ROBO1: variants seen among roughly 807,000 people sequenced by gnomAD.
ROBO1 encodes the protein roundabout guidance receptor 1, also known as roundabout homolog 1.
In ROBO1, 149 loss-of-function variants were observed where a neutral mutation model predicts 195.9. The ratio of observed to expected loss-of-function variants is 0.76; its 90% CI spans 0.67 to 0.87. ROBO1 has a LOEUF of 0.87. Among genes scored for constraint, ROBO1 ranks in the 40% least tolerant of loss-of-function variants. The probability of loss-of-function intolerance (pLI) is 0.00; values close to 1 mark genes in which losing one functional copy is unlikely to be tolerated. For missense variants in ROBO1, 1,933 were observed against 2,068.3 expected (o/e 0.93, Z 1.27); for synonymous variants, 816 against 733.2 (o/e 1.11, Z -1.82).
chr3:79,518,137 T>C (rs1019498822), intron 2 of ROBO1, among the ~76,000 whole-genome samples: 3 of 152,204 alleles, frequency 2.0e-5, no homozygotes, highest in African/African-American at 7.2e-5. Context: ...AAGGTTCTAC[T>C]CTTACAACCT....
chr3:79,433,148 G>C (rs2038747646), intron 2 of ROBO1, among the ~76,000 whole-genome samples: 1 of 152,064 alleles, frequency 6.6e-6, no homozygotes, highest in Admixed American at 6.6e-5. Flanking sequence ...GTATCTATTA[G>C]CTATTCTTCC....
intron 3 of ROBO1, among the ~76,000 whole-genome samples, chr3:79,099,464 G>T (rs1175823722): frequency 6.6e-6 from 1 of 151,640 alleles, no homozygotes; most frequent in Non-Finnish European, 1.5e-5. Flanking sequence ...CTCAGAAGAG[G>T]TGACACTGAG....
chr3:78,792,097 G>A (rs191135753), intron 4 of ROBO1, among the ~76,000 whole-genome samples: 74 of 152,248 alleles, frequency 4.9e-4, no homozygotes, highest in Admixed American at 2.3e-3. Flanking sequence ...TCTAACCCTG[G>A]GGAGTTGACT....
rs543050594 is a variant in ROBO1 at position 79,251,785 on chromosome 3, A to C, written c.89-126246T>G. Reference sequence around the variant, plus strand: ...AAGCAAACAAAAAACAAACAAACAAACAACCAAAACAAGAATTAGCCAGGC... The same window carrying C: ...AAGCAAACAAAAAACAAACAAACAACCAACCAAAACAAGAATTAGCCAGGC... On this transcript the variant is annotated intron_variant, in intron 2 of 30. Coordinates refer to ENST00000464233, the MANE Select transcript of ROBO1 (RefSeq NM_002941.4). Among the ~76,000 whole-genome samples, 256 of 151,936 alleles carry C rather than the reference A, an allele frequency of 1.7e-3. 10 individuals are homozygous for C. Among genetic ancestry groups the C allele is most frequent in the Admixed American group, 0.016 (251 of 15,252 alleles).
chr3:78,623,537 T>C (rs761660848), intron 26 of ROBO1, among the ~76,000 whole-genome samples: 20 of 152,186 alleles, frequency 1.3e-4, no homozygotes, highest in Non-Finnish European at 2.6e-4. Flanking sequence ...ACCCTGCTTT[T>C]ATTTTAAGAA....
At chr3:79,507,600 T>C (rs1057099355) in intron 2 of ROBO1, among the ~76,000 whole-genome samples, 56 of 152,204 alleles carry the variant, frequency 3.7e-4, no homozygotes, top group African/African-American at 1.4e-3. Flanking sequence ...TAAAGAATAA[T>C]TGATCTCTTA....
chr3:79,565,357 T>A (rs548738174), intron 2 of ROBO1, among the ~76,000 whole-genome samples: 1 of 148,494 alleles, frequency 6.7e-6, no homozygotes, highest in Admixed American at 6.6e-5. Flanking sequence ...ATTTAGAGAA[T>A]ACTTAATATA....
intron 2 of ROBO1, among the ~76,000 whole-genome samples, chr3:79,236,481 T>A (rs1430291609): frequency 6.6e-6 from 1 of 152,196 alleles, no homozygotes; most frequent in Non-Finnish European, 1.5e-5. Context: ...ATTATATACA[T>A]AAAAATTAAC....
chr3:79,301,061 C>G (rs903030495), intron 2 of ROBO1, among the ~76,000 whole-genome samples: 1 of 152,120 alleles, frequency 6.6e-6, no homozygotes, highest in Non-Finnish European at 1.5e-5. Flanking sequence ...TCTCGGGTCA[C>G]CTTCCACGCT....
At position 79,599,315 on chromosome 3, in the gene ROBO1, C is replaced by T. The variant is rs564172371; in HGVS notation, c.-50-9354G>A. Among the ~76,000 whole-genome samples the T allele has an allele frequency of 4.7e-4, 71 of 152,078 alleles. 4 individuals carry two copies. Among genetic ancestry groups the T allele is most frequent in the African/African-American group, 1.7e-3 (70 of 41,508 alleles). ...CAGCATGTTAAAGCCAGCAGTTTAA[C>T]ATGGTTTAAAGCAATAATTGTATGA... is the stretch of plus-strand genomic sequence containing the variant. On this transcript the variant is annotated intron_variant, in intron 1 of 30. Coordinates refer to ENST00000464233, the MANE Select transcript of ROBO1 (RefSeq NM_002941.4).
intron 4 of ROBO1, among the ~76,000 whole-genome samples, chr3:78,866,252 A>C (rs2035170629): frequency 6.6e-6 from 1 of 152,252 alleles, no homozygotes; most frequent in Admixed American, 6.5e-5. Flanking sequence ...TCATTTGTCA[A>C]TCAAAAGCAA....
At chr3:79,536,013 A>G (rs368353929) in intron 2 of ROBO1, among the ~76,000 whole-genome samples, 5 of 152,252 alleles carry the variant, frequency 3.3e-5, no homozygotes, top group African/African-American at 1.2e-4. Flanking sequence ...CTTCCTATTA[A>G]CAATACATCT....
At chr3:79,255,922 T>C (rs754577762) in intron 2 of ROBO1, among the ~76,000 whole-genome samples, 7 of 152,104 alleles carry the variant, frequency 4.6e-5, no homozygotes, top group Non-Finnish European at 8.8e-5. Flanking sequence ...GAGCTGTTCA[T>C]GTGGAATAAG....
At chr3:79,622,578 A>G (rs1305344604) in intron 1 of ROBO1, among the ~76,000 whole-genome samples, 1 of 152,196 alleles carries the variant, frequency 6.6e-6, no homozygotes, top group African/African-American at 2.4e-5. Context: ...CTGTGACAAG[A>G]GTGCCTCTTG....
At chr3:79,727,335 C>T (rs1394301176) in intron 1 of ROBO1, among the ~76,000 whole-genome samples, 3 of 151,606 alleles carry the variant, frequency 2.0e-5, no homozygotes, top group Non-Finnish European at 4.4e-5. Context: ...ATTAATGTAG[C>T]TAATATGATT....
chr3:79,360,828 T>C (rs954006892), intron 2 of ROBO1, among the ~76,000 whole-genome samples: 3 of 152,212 alleles, frequency 2.0e-5, no homozygotes, highest in African/African-American at 7.2e-5. Context: ...TTAGATAATA[T>C]GATGCTCTTT....
rs146505976 is a variant in ROBO1, at chr3:79,206,521, T to A, written c.89-80982A>T. The stretch of plus-strand genomic sequence containing the variant: ...GAAAGAAAAAGAAATTAAGGCATAC[T>A]ACATATAGAGTTCAGTACAATCTGT... On this transcript the variant is annotated intron_variant, in intron 2 of 30. Coordinates refer to ENST00000464233, the MANE Select transcript of ROBO1 (RefSeq NM_002941.4). 5.9e-5 allele frequency among the ~76,000 whole-genome samples: 9 copies of A among 152,304 alleles called. No individual in the cohort carries two copies. The East Asian group carries it at 1.4e-3, about 23-fold the overall frequency.
chr3:79,525,556 A>AT (rs1314306905), intron 2 of ROBO1, among the ~76,000 whole-genome samples: 11 of 147,060 alleles, frequency 7.5e-5, no homozygotes, highest in Non-Finnish European at 1.2e-4. Context: ...ATATATATAT[A>AT]AATATATATA....
chr3:78,782,937 A>G (rs1424894871), intron 4 of ROBO1, among the ~76,000 whole-genome samples: 1 of 152,180 alleles, frequency 6.6e-6, no homozygotes, highest in African/African-American at 2.4e-5. Context: ...AAACTCATTC[A>G]GGTTTTCCAT....
Sources: allele counts gnomAD v4.1 joint callset (sites outside exome capture counted in the v4.1 genomes callset), GRCh38; gene constraint gnomAD v4.1.1; transcripts MANE v1.5; gene names NCBI Gene and HGNC (gene_info 2026-07-23, HGNC 2026-07-21).